The following SLC48A1 variants were observed in gnomAD, a reference collection of about 807,000 sequenced individuals.
SLC48A1 encodes solute carrier family 48 member 1, also known as heme transporter HRG1.
In SLC48A1, 6 loss-of-function variants were observed where a neutral mutation model predicts 14.8. The ratio of observed to expected loss-of-function variants is 0.41; its 90% confidence interval spans 0.22 to 0.80. The LOEUF is 0.80. SLC48A1 is among the 30% of genes least tolerant of loss of function. The pLI is 0.34. For missense variants in SLC48A1, 165 were observed against 204.8 expected (o/e 0.81, Z 1.19); for synonymous variants, 89 against 90.0 (o/e 0.99, Z 0.06).
In SLC48A1 at chr12:47,773,352, C is replaced by T; in HGVS notation, c.48C>T (p.Gly16=). ...LQLGLRAAYS[G]ISSVAGFSIF... is the part of the protein sequence containing the mutation. ...TCGGCCTCCGCGCCGCCTACTCCGG[C>T]ATCAGCTCCGTGGCCGGCTTCTCCA... Residue 16 remains glycine (G), a synonymous_variant, in exon 1 of 3, where the codon GGC becomes GGT. Transcript: ENST00000442218. 6.8e-7 allele frequency: 1 copy of T among 1,477,950 alleles called. No homozygotes were observed. Among genetic ancestry groups the T allele is most frequent in the East Asian group, 3.1e-5 (1 of 32,720 alleles). The allele number at this position is 1,477,950 out of a possible 1,614,324, so 91.6% of individuals were successfully genotyped here. A position where few individuals can be genotyped will look rare whatever the true frequency, so the allele number is the denominator to read the frequency against.
upstream of SLC48A1, among the ~76,000 whole-genome samples, chr12:47,767,745 ACACT>A (rs1942547532): frequency 6.6e-6 from 1 of 152,240 alleles, no homozygotes. Flanking sequence ...AATCTTATAA[ACACT>A]CAGAGAAGAG....
upstream of SLC48A1, chr12:47,771,003 G>A (rs969711444): frequency 4.5e-6 from 2 of 446,058 alleles, no homozygotes; most frequent in Non-Finnish European, 9.1e-6. Flanking sequence ...CTCCTCCACA[G>A]GACCAGCACT....
upstream of SLC48A1, among the ~76,000 whole-genome samples, chr12:47,755,178 G>A (rs910883017): frequency 8.5e-5 from 13 of 152,142 alleles, no homozygotes; most frequent in African/African-American, 3.1e-4. Context: ...AGATTGCCTG[G>A]GACCAAAGCC....
intron 2 of SLC48A1, among the ~76,000 whole-genome samples, chr12:47,765,956 C>A (rs1210218749): frequency 6.6e-6 from 1 of 152,148 alleles, no homozygotes; most frequent in Non-Finnish European, 1.5e-5. Context: ...CCTCCTGGGG[C>A]CTGTCCACCC....
At chr12:47,764,979 A>T (rs1942481258) in intron 2 of SLC48A1, among the ~76,000 whole-genome samples, 1 of 147,170 alleles carries the variant, frequency 6.8e-6, no homozygotes, top group Non-Finnish European at 1.5e-5. Context: ...CGGGAGGCTG[A>T]GGCAGGAGAA....
chr12:47,760,090 T>G (rs926340866), intron 1 of SLC48A1: 1 of 444,332 alleles, frequency 2.3e-6, no homozygotes, highest in Non-Finnish European at 3.0e-6. Context: ...AATCCCATTT[T>G]TAATGTATAC....
At chr12:47,779,315 C>T in intron 2 of SLC48A1, 120 bp downstream of exon 2, 1 of 1,333,936 alleles carries the variant, frequency 7.5e-7, no homozygotes. Context: ...CTTAACCTCC[C>T]CGGACACGGG....
At chr12:47,766,911 T>G (rs1942527520), upstream of SLC48A1, among the ~76,000 whole-genome samples, 2 of 152,164 alleles carry the variant, frequency 1.3e-5, no homozygotes, top group Admixed American at 6.5e-5. Flanking sequence ...AGCTGCATTC[T>G]GGGTCCAAGG....
chr12:47,762,276 C>T (rs1235796880), intron 2 of SLC48A1, among the ~76,000 whole-genome samples: 1 of 138,132 alleles, frequency 7.2e-6, no homozygotes, highest in East Asian at 2.1e-4. Flanking sequence ...GCTTGATTTT[C>T]CCCACCTCGG....
chr12:47,761,485 C>G (rs1022465731), intron 2 of SLC48A1, among the ~76,000 whole-genome samples: 1 of 152,218 alleles, frequency 6.6e-6, no homozygotes, highest in African/African-American at 2.4e-5. Context: ...CTAGCTTGTC[C>G]TACCTCTAAC....
chr12:47,766,317 C>G (rs1191909456), intron 2 of SLC48A1, among the ~76,000 whole-genome samples: 1 of 152,088 alleles, frequency 6.6e-6, no homozygotes, highest in Admixed American at 6.5e-5. Context: ...CCCTCCTGCC[C>G]TCAAGCCTTA....
upstream of SLC48A1, among the ~76,000 whole-genome samples, chr12:47,772,724 T>G (rs1053573568): frequency 1.3e-5 from 2 of 150,908 alleles, no homozygotes; most frequent in Non-Finnish European, 1.5e-5. Context: ...GAGGATAGAA[T>G]GTATAGAATG....
At chr12:47,768,717 G>C (rs1049727016), upstream of SLC48A1, 4 of 152,246 alleles carry the variant, frequency 2.6e-5, no homozygotes, top group Non-Finnish European at 5.9e-5. Flanking sequence ...AGTGAGAAAG[G>C]AATGTCAGCA....
rs112633136 is a variant in SLC48A1 at position 47,782,624 on chromosome 12, G to C, written c.*2343G>C. Reference sequence around the variant, plus strand: ...CCCAGACCACCCTGGTCCCTCCTCCGGCAGTGACTCAGACCCACACTGTGC... The same window carrying C: ...CCCAGACCACCCTGGTCCCTCCTCCCGCAGTGACTCAGACCCACACTGTGC... On this transcript the variant is annotated 3_prime_UTR_variant, in exon 3 of 3. Coordinates refer to ENST00000442218, the MANE Select transcript of SLC48A1 (RefSeq NM_017842.3). 1 of 152,282 alleles carries C rather than the reference G, an allele frequency of 6.6e-6. No individual in the cohort carries two copies. The highest frequency in any genetic ancestry group is 1.5e-5 in the Non-Finnish European group (1 of 68,072). The allele number at this position is 152,282 out of a possible 1,614,324, so 9.4% of individuals were successfully genotyped here.
chr12:47,780,377 C>G lies in SLC48A1; in HGVS notation c.*96C>G. The G allele has an allele frequency of 6.3e-7, 1 of 1,579,292 alleles. No homozygotes were observed. The highest frequency in any genetic ancestry group is 1.3e-5 in the African/African-American group (1 of 74,360). ...AGGCTACTCCCACCCCCTGGTGACC[C>G]CAGAACTGTGGCAGAAAATACACAG... On this transcript the variant is annotated 3_prime_UTR_variant, in exon 3 of 3. Coordinates refer to ENST00000442218, the MANE Select transcript of SLC48A1 (RefSeq NM_017842.3).
intron 2 of SLC48A1, among the ~76,000 whole-genome samples, chr12:47,766,503 A>C (rs1942517294): frequency 6.6e-6 from 1 of 152,130 alleles, no homozygotes; most frequent in African/African-American, 2.4e-5. Context: ...CCTCAGTAAA[A>C]GGTGAAAGAG....
upstream of SLC48A1, among the ~76,000 whole-genome samples, chr12:47,769,939 A>T (rs1942595833): frequency 6.6e-6 from 1 of 152,276 alleles, no homozygotes; most frequent in East Asian, 1.9e-4. Context: ...CTTCAGTCAC[A>T]CTAGTCACAT....
chr12:47,766,966 G>A (rs969357055), upstream of SLC48A1, among the ~76,000 whole-genome samples: 6 of 152,146 alleles, frequency 3.9e-5, no homozygotes, highest in Non-Finnish European at 7.4e-5. Flanking sequence ...TAGAATGCAT[G>A]GTGATGGGGC....
chr12:47,775,774 C>T (rs1942739977), intron 1 of SLC48A1, among the ~76,000 whole-genome samples: 1 of 152,182 alleles, frequency 6.6e-6, no homozygotes, highest in Admixed American at 6.5e-5. Flanking sequence ...AGTCATGGAG[C>T]CCCTGGGTCT....
Sources: allele counts gnomAD v4.1 joint callset (sites outside exome capture counted in the v4.1 genomes callset), GRCh38; gene constraint gnomAD v4.1.1; transcripts MANE v1.5; gene names NCBI Gene and HGNC (gene_info 2026-07-23, HGNC 2026-07-21).